The following DOCK10 variants were observed in gnomAD, a reference collection of about 807,000 sequenced individuals.
The protein encoded by DOCK10 is dedicator of cytokinesis protein 10.
In DOCK10, 145 loss-of-function variants were observed where a neutral mutation model predicts 280.1. The ratio of observed to expected loss-of-function variants is 0.52; its 90% CI spans 0.45 to 0.59. DOCK10 has a LOEUF of 0.59. Ranked by LOEUF, DOCK10 falls within the 20% of genes least tolerant of loss-of-function variation. DOCK10 has a pLI of 0.00. For missense variants in DOCK10, 2,368 were observed against 2,651.7 expected (o/e 0.89, Z 2.35); for synonymous variants, 915 against 942.2 (o/e 0.97, Z 0.53).
intron 3 of DOCK10, among the ~76,000 whole-genome samples, chr2:224,897,707 G>A (rs1208306912): frequency 6.6e-6 from 1 of 152,176 alleles, no homozygotes; most frequent in Non-Finnish European, 1.5e-5. Flanking sequence ...TTTATTCATA[G>A]ATTTTATAAA....
In DOCK10 at chr2:224,804,183, C is replaced by A; in HGVS notation, c.4197G>T (p.Gln1399His). The stretch of plus-strand genomic sequence containing the variant: ...TGAGAGTTCCATTGTTCTGGGTGGA[C>A]TGCACAAATTTAAATGCAGCAGCAA... ...RKIAAAFKFVQSTQNNGTLKG... is the reference protein window; with the variant it reads ...RKIAAAFKFVHSTQNNGTLKG... The change falls in exon 39 of 56, where the codon CAG (glutamine) becomes CAT (histidine). Residue 1399 changes from glutamine (Q) to histidine (H), a missense_variant. Gln to His is a conservative substitution (Grantham distance 24). This residue lies in a region of DOCK10 where 1,159 missense variants were observed against 1,400.8 expected (regional missense o/e 0.83). Transcript: ENST00000258390. 1 of 1,611,446 alleles carries A rather than the reference C, an allele frequency of 6.2e-7. No individual in the cohort carries two copies. Among genetic ancestry groups the A allele is most frequent in the Non-Finnish European group, 8.5e-7 (1 of 1,178,472 alleles).
At chr2:224,775,165 T>G in intron 51 of DOCK10, 50 bp from the exon 52 acceptor site, 2 of 1,557,894 alleles carry the variant, frequency 1.3e-6, no homozygotes, top group African/African-American at 2.7e-5. Flanking sequence ...TGGAGCGCTC[T>G]GAAAGCGGGA....
intron 11 of DOCK10, 66 bp downstream of exon 11, chr2:224,873,930 A>G: frequency 6.6e-7 from 1 of 1,516,788 alleles, no homozygotes; most frequent in Non-Finnish European, 8.9e-7. Flanking sequence ...GGAATAGAAA[A>G]GATTTTTGAC....
intron 1 of DOCK10, chr2:224,947,071 T>C (rs542894836): frequency 2.9e-6 from 4 of 1,395,408 alleles, no homozygotes; most frequent in African/African-American, 3.0e-5. Context: ...GAAATGCTCA[T>C]GCTACATGAA....
intron 50 of DOCK10, among the ~76,000 whole-genome samples, chr2:224,779,477 A>G (rs1463223671): frequency 6.6e-6 from 1 of 152,106 alleles, no homozygotes; most frequent in Non-Finnish European, 1.5e-5. Flanking sequence ...CGGCCTCCTA[A>G]AGTGCTGGGA....
intron 53 of DOCK10, among the ~76,000 whole-genome samples, chr2:224,772,052 C>T (rs2124962407): frequency 6.6e-6 from 1 of 152,148 alleles, no homozygotes; most frequent in South Asian, 2.1e-4. Context: ...TCCCAACTAG[C>T]TGGGATTACA....
At chr2:224,918,616 G>A (rs1292297156) in intron 2 of DOCK10, among the ~76,000 whole-genome samples, 1 of 150,208 alleles carries the variant, frequency 6.7e-6, no homozygotes, top group Admixed American at 6.7e-5. Context: ...TGTATGTGGG[G>A]TGTGTGTATG....
intron 47 of DOCK10, among the ~76,000 whole-genome samples, chr2:224,791,545 A>G (rs941611793): frequency 2.0e-5 from 3 of 150,854 alleles, no homozygotes; most frequent in Non-Finnish European, 4.4e-5. Context: ...GCTCGCTGCA[A>G]CCTCCACCTC....
intron 55 of DOCK10, among the ~76,000 whole-genome samples, chr2:224,769,292 A>G (rs1242682615): frequency 1.3e-5 from 2 of 152,262 alleles, no homozygotes; most frequent in East Asian, 3.8e-4. Context: ...AACCGAAAAG[A>G]AGCAAGATGG....
chr2:225,004,931 A>G (rs1706528485), intron 1 of DOCK10, among the ~76,000 whole-genome samples: 1 of 152,248 alleles, frequency 6.6e-6, no homozygotes, highest in East Asian at 1.9e-4. Flanking sequence ...TCTAATCATA[A>G]GTATGATTGT....
At chr2:224,836,600 A>G (rs944653480) in intron 25 of DOCK10, among the ~76,000 whole-genome samples, 1 of 151,450 alleles carries the variant, frequency 6.6e-6, no homozygotes, top group Non-Finnish European at 1.5e-5. Flanking sequence ...GGGAGTGTGG[A>G]ATTTTTTTTT....
At chr2:224,780,344 A>G (rs976306661) in intron 50 of DOCK10, among the ~76,000 whole-genome samples, 1 of 152,116 alleles carries the variant, frequency 6.6e-6, no homozygotes, top group Non-Finnish European at 1.5e-5. Flanking sequence ...GTCAGGAGTT[A>G]GTGGCTACAA....
chr2:224,774,374 TA>T (rs1405967975), intron 52 of DOCK10, among the ~76,000 whole-genome samples: 3 of 152,186 alleles, frequency 2.0e-5, no homozygotes, highest in Non-Finnish European at 4.4e-5. Flanking sequence ...GCATTACCAG[TA>T]CCCAGAACAG....
intron 3 of DOCK10, among the ~76,000 whole-genome samples, chr2:224,903,386 C>T (rs1177056250): frequency 2.0e-5 from 3 of 152,102 alleles, no homozygotes; most frequent in African/African-American, 4.8e-5. Flanking sequence ...CATTTTAAGA[C>T]GATTTTGTTG....
chr2:224,870,077 A>C (rs2125659024), intron 11 of DOCK10, among the ~76,000 whole-genome samples: 1 of 152,266 alleles, frequency 6.6e-6, no homozygotes, highest in East Asian at 1.9e-4. Flanking sequence ...ACCCAGTGGG[A>C]AGTAATTGAA....
rs761444595 is a variant in DOCK10 at position 224,800,153 on chromosome 2, G to C, written c.4504C>G (p.Gln1502Glu). 13 of 1,578,632 alleles carry C rather than the reference G, an allele frequency of 8.2e-6. No homozygotes were observed. Among genetic ancestry groups the C allele is most frequent in the Admixed American group, 1.7e-5 (1 of 59,540 alleles). Residue 1502 changes from glutamine (Q) to glutamate (E), a missense_variant and splice_region_variant, in exon 41 of 56, where the codon CAG becomes GAG. By Grantham distance (29) the Gln-to-Glu change is conservative. This residue lies in a region of DOCK10 where 1,159 missense variants were observed against 1,400.8 expected (regional missense o/e 0.83). Transcript: ENST00000258390. Reference protein sequence around the residue: ...DLLSLFTQTHQRQLQQCDCQN... With the variant: ...DLLSLFTQTHERQLQQCDCQN... ...GAAAATGTTATCATCATATTCACCT[G>C]ATGAGTCTGTGTGAAGAGGGATAAC... is the stretch of plus-strand genomic sequence containing the variant.
At chr2:224,868,689 A>T (rs1415043810) in intron 11 of DOCK10, among the ~76,000 whole-genome samples, 1 of 152,184 alleles carries the variant, frequency 6.6e-6, no homozygotes, top group African/African-American at 2.4e-5. Context: ...GTTAGAAAAA[A>T]GTTTTTGCAT....
chr2:225,020,208 T>C (rs1057400728), intron 1 of DOCK10, among the ~76,000 whole-genome samples: 1 of 151,692 alleles, frequency 6.6e-6, no homozygotes, highest in African/African-American at 2.4e-5. Context: ...TATATATAAA[T>C]GTTATATAGA....
At chr2:224,861,330 G>C (rs1697483612) in intron 14 of DOCK10, 1 of 152,212 alleles carries the variant, frequency 6.6e-6, no homozygotes, top group Non-Finnish European at 1.5e-5. Flanking sequence ...GGTATTGTCA[G>C]CTTCAATTTA....
Sources: allele counts gnomAD v4.1 joint callset (sites outside exome capture counted in the v4.1 genomes callset), GRCh38; gene constraint gnomAD v4.1.1; regional missense constraint gnomAD v4.1.1; transcripts MANE v1.5; gene names NCBI Gene and HGNC (gene_info 2026-07-23, HGNC 2026-07-21).